Variants in WDR70 observed in about 807,000 individuals in gnomAD.
WDR70 encodes the protein WD repeat-containing protein 70.
WDR70 carries 53 observed loss-of-function variants against 88.6 expected under a neutral mutation model. The ratio of observed to expected loss-of-function variants is 0.60; its 90% CI spans 0.48 to 0.75. The LOEUF (loss-of-function observed/expected upper bound fraction) is 0.75, where lower values mean the gene tolerates loss of function less well. Ranked by LOEUF, WDR70 falls within the 30% of genes least tolerant of loss-of-function variation. The pLI is 0.00. For synonymous variants in WDR70, 280 were observed against 270.0 expected, an observed-to-expected ratio of 1.04 and a Z score of -0.36; for missense variants, 610 against 823.2, an observed-to-expected ratio of 0.74 and a Z score of 3.17.
chr5:37,541,058 A>G (rs1454123642), intron 9 of WDR70, among the ~76,000 whole-genome samples: 1 of 152,250 alleles, frequency 6.6e-6, no homozygotes, highest in East Asian at 1.9e-4. Flanking sequence ...TAAGAAACAC[A>G]GAAATTTTAA....
intron 13 of WDR70, among the ~76,000 whole-genome samples, chr5:37,718,720 C>G (rs946955057): frequency 2.0e-5 from 3 of 152,140 alleles, no homozygotes; most frequent in Admixed American, 6.6e-5. Context: ...TTGTCTCCAG[C>G]TCTACCTAGC....
At chr5:37,616,575 C>T (rs944091133) in intron 10 of WDR70, among the ~76,000 whole-genome samples, 6 of 152,178 alleles carry the variant, frequency 3.9e-5, no homozygotes, top group African/African-American at 1.4e-4. Context: ...TATCCAACAT[C>T]CGTTGAAGAA....
At chr5:37,519,649 C>T (rs1168476377) in intron 9 of WDR70, among the ~76,000 whole-genome samples, 7 of 141,126 alleles carry the variant, frequency 5.0e-5, no homozygotes, top group East Asian at 4.6e-4. Flanking sequence ...CCAGACGGGG[C>T]GGCCGGGCGG....
At chr5:37,514,346 ATATATATATATATG>A (rs1421847747) in intron 8 of WDR70, among the ~76,000 whole-genome samples, 2 of 68,108 alleles carry the variant, frequency 2.9e-5, no homozygotes, top group Non-Finnish European at 7.9e-5. Context: ...CTACATATAT[ATATATATATATATG>A]TATGTATGTA....
intron 5 of WDR70, among the ~76,000 whole-genome samples, chr5:37,434,687 CATT>C (rs1193851535): frequency 6.6e-6 from 1 of 152,146 alleles, no homozygotes; most frequent in African/African-American, 2.4e-5. Context: ...TATTTACCAT[CATT>C]GTTGTTATTG....
intron 9 of WDR70, among the ~76,000 whole-genome samples, chr5:37,548,475 T>A (rs1334016287): frequency 1.3e-5 from 2 of 152,190 alleles, no homozygotes; most frequent in African/African-American, 2.4e-5. Context: ...TGCCCATTTT[T>A]AAATCAGATT....
chr5:37,391,975 GTTAATCTTTTT>G lies in WDR70; in HGVS notation c.176-14_176-4del. On this transcript the variant is annotated splice_polypyrimidine_tract_variant and intron_variant, in intron 3 of 17. Transcript: ENST00000265107. Reference sequence around the variant, plus strand: ...GAATTGTAACCGTTGGGATTTTTTTGTTAATCTTTTTTTAATCTTTTCAGAAGCAAGAGAAA... The same window carrying G: ...GAATTGTAACCGTTGGGATTTTTTTGTTAATCTTTTCAGAAGCAAGAGAAA... 1.3e-6 allele frequency: 2 copies of G among 1,578,464 alleles called. No homozygotes were observed. Among genetic ancestry groups the G allele is most frequent in the Non-Finnish European group, 1.7e-6 (2 of 1,168,462 alleles).
At chr5:37,498,619 T>G (rs1366167762) in intron 8 of WDR70, among the ~76,000 whole-genome samples, 1 of 152,234 alleles carries the variant, frequency 6.6e-6, no homozygotes, top group Non-Finnish European at 1.5e-5. Flanking sequence ...CTTTTCTTCC[T>G]AGACCTATTC....
At chr5:37,564,234 C>A (rs538766982) in intron 9 of WDR70, among the ~76,000 whole-genome samples, 112 of 152,128 alleles carry the variant, frequency 7.4e-4, no homozygotes, top group Non-Finnish European at 1.2e-3. Flanking sequence ...AGCCTGGGCA[C>A]CATTGAGCAC....
chr5:37,660,064 CA>C (rs1303253298), intron 10 of WDR70, among the ~76,000 whole-genome samples: 1 of 151,934 alleles, frequency 6.6e-6, no homozygotes, highest in Non-Finnish European at 1.5e-5. Flanking sequence ...GTATAATTTC[CA>C]AATATTTTGG....
intron 5 of WDR70, among the ~76,000 whole-genome samples, chr5:37,434,523 A>G (rs1750411281): frequency 6.6e-6 from 1 of 152,132 alleles, no homozygotes; most frequent in Non-Finnish European, 1.5e-5. Flanking sequence ...GCACCCAGCA[A>G]CTTTGTAGCA....
intron 16 of WDR70, 78 bp downstream of exon 16, chr5:37,725,128 C>G: frequency 8.2e-7 from 1 of 1,214,792 alleles, no homozygotes; most frequent in Admixed American, 2.0e-5. Context: ...TTGGGAAGGT[C>G]TTTTGGGCCT....
chr5:37,721,042 A>G, intron 13 of WDR70, 73 bp from the exon 14 acceptor site: 6 of 1,301,970 alleles, frequency 4.6e-6, no homozygotes, highest in Middle Eastern at 1.8e-4. Context: ...TAGACTAGCC[A>G]TCAAAGTACC....
chr5:37,691,804 G>A (rs1250379785), intron 10 of WDR70, among the ~76,000 whole-genome samples: 1 of 152,044 alleles, frequency 6.6e-6, no homozygotes, highest in Non-Finnish European at 1.5e-5. Context: ...AAAAGAACTA[G>A]AAAAGCAAAA....
intron 5 of WDR70, among the ~76,000 whole-genome samples, chr5:37,426,568 G>C (rs1750130435): frequency 2.6e-5 from 4 of 152,174 alleles, no homozygotes; most frequent in Admixed American, 2.6e-4. Context: ...TACATAGCGG[G>C]TGCCTTGGTG....
intron 7 of WDR70, among the ~76,000 whole-genome samples, chr5:37,461,194 A>G (rs926675836): frequency 6.6e-6 from 1 of 151,862 alleles, no homozygotes; most frequent in African/African-American, 2.4e-5. Flanking sequence ...TATGGCTTGG[A>G]AAGCTTCAAA....
intron 7 of WDR70, among the ~76,000 whole-genome samples, chr5:37,462,727 C>G (rs1229338373): frequency 4.0e-5 from 6 of 151,884 alleles, no homozygotes; most frequent in Non-Finnish European, 5.9e-5. Context: ...TTATACCCCT[C>G]AAATAATCTT....
At chr5:37,606,994 A>G (rs985847036) in intron 10 of WDR70, among the ~76,000 whole-genome samples, 1 of 144,550 alleles carries the variant, frequency 6.9e-6, no homozygotes, top group Non-Finnish European at 1.5e-5. Flanking sequence ...GCTGGAGTGC[A>G]GTGGAATGAT....
intron 8 of WDR70, among the ~76,000 whole-genome samples, chr5:37,515,577 A>G (rs780941493): frequency 1.3e-5 from 2 of 152,210 alleles, no homozygotes; most frequent in Non-Finnish European, 1.5e-5. Context: ...GCCAGATACT[A>G]TTTGAGGCAT....
Sources: gnomAD v4.1 joint callset for allele counts (sites outside exome capture counted in the v4.1 genomes callset) on GRCh38, gnomAD v4.1.1 for gene constraint, MANE v1.5 for transcripts, NCBI Gene and HGNC (gene_info 2026-07-23, HGNC 2026-07-21) for gene names.